Variants in CREBBP observed in about 807,000 individuals in gnomAD.
The protein encoded by CREBBP is CREB-binding protein.
A neutral mutation model predicts 265.0 loss-of-function variants in CREBBP; 19 were observed. The ratio of observed to expected loss-of-function variants is 0.07; its 90% CI spans 0.05 to 0.11. The LOEUF is 0.11. Among genes scored for constraint, CREBBP ranks in the 10% least tolerant of loss-of-function variants. The pLI, the probability that CREBBP is intolerant of heterozygous loss-of-function variation, is 1.00. For missense variants in CREBBP, 2,525 were observed against 3,219.0 expected (o/e 0.78, Z 5.22); for synonymous variants, 1,457 against 1,223.7 (o/e 1.19, Z -3.98).
Position 3,827,633 on chromosome 16 carries a change from C to T in CREBBP, c.799-16854G>A, listed in dbSNP as rs2054263861. 3.3e-5 allele frequency among the ~76,000 whole-genome samples: 5 copies of T among 152,236 alleles called. No individual in the cohort carries two copies. The South Asian group carries it at 8.3e-4, about 25-fold the overall frequency. On this transcript the variant is annotated intron_variant, in intron 2 of 30. Coordinates refer to ENST00000262367, the MANE Select transcript of CREBBP (RefSeq NM_004380.3). The stretch of plus-strand genomic sequence containing the variant: ...GTCTCGATCTCCTGACCTCGTGATC[C>T]ACCCACCTCAGCCTCCCAAAGTGCT...
At chr16:3,842,810 C>T (rs935701305) in intron 2 of CREBBP, among the ~76,000 whole-genome samples, 6 of 151,460 alleles carry the variant, frequency 4.0e-5, no homozygotes, top group Admixed American at 6.6e-5. Flanking sequence ...ACTAAAAATA[C>T]AAAAAATTAG....
intron 13 of CREBBP, among the ~76,000 whole-genome samples, chr16:3,771,446 GGCA>G (rs2053006260): frequency 6.6e-6 from 1 of 151,992 alleles, no homozygotes; most frequent in Non-Finnish European, 1.5e-5. Flanking sequence ...ACTTGTAATG[GGCA>G]CTCCTCAATA....
intron 1 of CREBBP, among the ~76,000 whole-genome samples, chr16:3,876,413 A>AAC (rs2055403081): frequency 6.7e-6 from 1 of 149,744 alleles, no homozygotes; most frequent in African/African-American, 2.5e-5. Context: ...AAAAAAAAAA[A>AAC]AAAAAAAAAA....
Position 3,778,829 on chromosome 16 carries a change from A to G in CREBBP, c.1824-12T>C. ...AGATGGCTTGGACGCTGAAAGGATA[A>G]CACATCTATCAAACTACTTTTTTTT... is the stretch of plus-strand genomic sequence containing the variant. On this transcript the variant is annotated splice_polypyrimidine_tract_variant and intron_variant, in intron 8 of 30. Coordinates refer to ENST00000262367, the MANE Select transcript of CREBBP (RefSeq NM_004380.3). 6.2e-7 allele frequency: 1 copy of G among 1,610,258 alleles called. No homozygotes were observed. Among genetic ancestry groups the G allele is most frequent in the South Asian group, 1.1e-5 (1 of 90,994 alleles).
At position 3,850,620 on chromosome 16, in the gene CREBBP, C is replaced by G. The variant is rs1175854793; in HGVS notation, c.475G>C (p.Val159Leu). ...GCAGGGCTGCTAGTCGCCAGCCCCA[C>G]TTGCTTTTGTGCTTGCGGATTCAGT... ...QALNPQAQKQVGLATSSPATS... is the reference protein window; with the variant it reads ...QALNPQAQKQLGLATSSPATS... Residue 159 changes from valine (V) to leucine (L), a missense_variant, in exon 2 of 31, where the codon GTG (valine) becomes CTG (leucine). Physicochemically the swap from Val to Leu is conservative, Grantham distance 32. Coordinates refer to ENST00000262367, the MANE Select transcript of CREBBP (RefSeq NM_004380.3). The G allele has an allele frequency of 6.2e-7, 1 of 1,614,238 alleles. No homozygotes were observed. Among genetic ancestry groups the G allele is most frequent in the African/African-American group, 1.3e-5 (1 of 75,054 alleles).
chr16:3,872,465 C>G (rs1403414975), intron 1 of CREBBP, among the ~76,000 whole-genome samples: 1 of 152,208 alleles, frequency 6.6e-6, no homozygotes, highest in Admixed American at 6.5e-5. Context: ...CCCCCACAGG[C>G]ACTGCTCCCA....
chr16:3,853,983 C>T (rs1270358801), intron 1 of CREBBP, among the ~76,000 whole-genome samples: 1 of 151,890 alleles, frequency 6.6e-6, no homozygotes, highest in Non-Finnish European at 1.5e-5. Flanking sequence ...CACACACACA[C>T]GAAAAAGAAA....
intron 11 of CREBBP, among the ~76,000 whole-genome samples, chr16:3,776,728 G>C (rs2053147286): frequency 6.6e-6 from 1 of 151,992 alleles, no homozygotes; most frequent in Admixed American, 6.6e-5. Context: ...AAAATAAAAA[G>C]CTGGCCGGGT....
At chr16:3,836,441 A>AG (rs1013598685) in intron 2 of CREBBP, among the ~76,000 whole-genome samples, 4 of 151,442 alleles carry the variant, frequency 2.6e-5, no homozygotes, top group Non-Finnish European at 5.9e-5. Flanking sequence ...CTCAAAAAAA[A>AG]AAAAAAAAGA....
chr16:3,731,769 C>T lies in CREBBP; in HGVS notation c.4890+7G>A, dbSNP rs376118322. The T allele has an allele frequency of 1.4e-5, 22 of 1,614,118 alleles. No individual in the cohort carries two copies. The highest frequency in any genetic ancestry group is 2.7e-5 in the African/African-American group (2 of 74,958). On this transcript the variant is annotated splice_region_variant and intron_variant, in intron 29 of 30. Transcript: ENST00000262367. The surrounding 1 kb of genome is among the most constrained non-coding windows in gnomAD (Gnocchi z 7.7). Reference sequence around the variant, plus strand: ...GGCACGGCTGCAGCACCGCAGCCCACGCCTACCTCCTTGTGCTTCTCCATG... The same window carrying T: ...GGCACGGCTGCAGCACCGCAGCCCATGCCTACCTCCTTGTGCTTCTCCATG...
At chr16:3,833,570 T>C (rs888837141) in intron 2 of CREBBP, among the ~76,000 whole-genome samples, 2 of 152,214 alleles carry the variant, frequency 1.3e-5, no homozygotes, top group Non-Finnish European at 2.9e-5. Flanking sequence ...AGACATCTTA[T>C]AGAATTAATA....
At chr16:3,833,983 T>G (rs1016950400) in intron 2 of CREBBP, among the ~76,000 whole-genome samples, 4 of 152,080 alleles carry the variant, frequency 2.6e-5, no homozygotes, top group African/African-American at 9.7e-5. Flanking sequence ...ATACACCTCA[T>G]CAAAGAAGAC....
intron 2 of CREBBP, among the ~76,000 whole-genome samples, chr16:3,820,231 T>C (rs2054115305): frequency 6.6e-6 from 1 of 152,240 alleles, no homozygotes; most frequent in South Asian, 2.1e-4. Context: ...GCAGTTTTCA[T>C]GGAAAGACAT....
At chr16:3,758,516 T>A (rs893053579) in intron 17 of CREBBP, among the ~76,000 whole-genome samples, 1 of 152,150 alleles carries the variant, frequency 6.6e-6, no homozygotes, top group African/African-American at 2.4e-5. Context: ...TATCCAGGAA[T>A]ATAAAAGAGA....
intron 1 of CREBBP, among the ~76,000 whole-genome samples, chr16:3,865,610 T>C (rs1229079228): frequency 6.6e-6 from 1 of 152,170 alleles, no homozygotes; most frequent in Non-Finnish European, 1.5e-5. Context: ...GCCATGTGAA[T>C]GAACTACTAG....
intron 1 of CREBBP, among the ~76,000 whole-genome samples, chr16:3,855,200 G>C (rs1324122794): frequency 2.0e-5 from 3 of 152,190 alleles, no homozygotes; most frequent in Non-Finnish European, 2.9e-5. Context: ...TCATGTCTTT[G>C]TCACCTTGTT....
intron 2 of CREBBP, among the ~76,000 whole-genome samples, chr16:3,837,161 T>C (rs1384326809): frequency 2.0e-5 from 3 of 152,186 alleles, no homozygotes; most frequent in South Asian, 2.1e-4. Flanking sequence ...CAGTCTCCCA[T>C]ACATGTTACT....
chr16:3,766,765 A>C (rs1029954930), intron 16 of CREBBP, among the ~76,000 whole-genome samples: 4 of 152,150 alleles, frequency 2.6e-5, no homozygotes, highest in African/African-American at 9.7e-5. Flanking sequence ...AGCATCAAGC[A>C]AGCCTCCCAT....
intron 1 of CREBBP, among the ~76,000 whole-genome samples, chr16:3,859,256 G>A (rs1201572227): frequency 1.3e-5 from 2 of 151,408 alleles, no homozygotes; most frequent in Non-Finnish European, 2.9e-5. Context: ...GCAGTGGCAC[G>A]ATCTTGGCTC....
Sources: allele counts gnomAD v4.1 joint callset (sites outside exome capture counted in the v4.1 genomes callset), GRCh38; gene constraint gnomAD v4.1.1; non-coding constraint Gnocchi (gnomAD v3.1); transcripts MANE v1.5; gene names NCBI Gene and HGNC (gene_info 2026-07-23, HGNC 2026-07-21).